Variants in ITGA1 observed in about 807,000 individuals in gnomAD.
ITGA1 encodes integrin alpha-1.
Under a neutral mutation model 145.9 loss-of-function variants are expected in ITGA1, and 85 were observed. That is an observed-to-expected ratio of 0.58 (90% CI 0.49 to 0.70). The LOEUF (loss-of-function observed/expected upper bound fraction) is 0.70. ITGA1 is among the 30% of genes least tolerant of loss of function. The probability of loss-of-function intolerance (pLI) is 0.00; values close to 1 mark genes in which losing one functional copy is unlikely to be tolerated. For missense variants in ITGA1, 1,351 were observed against 1,418.7 expected (o/e 0.95, Z 0.77); for synonymous variants, 520 against 495.3 (o/e 1.05, Z -0.66).
At chr5:52,914,698 T>C (rs1750616462) in intron 14 of ITGA1, among the ~76,000 whole-genome samples, 1 of 152,158 alleles carries the variant, frequency 6.6e-6, no homozygotes. Context: ...TTATTTTATG[T>C]TATTTATGTG....
chr5:52,813,423 C>G (rs1191097836), intron 1 of ITGA1, among the ~76,000 whole-genome samples: 6 of 152,154 alleles, frequency 3.9e-5, no homozygotes, highest in South Asian at 2.1e-4. Flanking sequence ...CTACAATTAT[C>G]TTACTATTTC....
intron 9 of ITGA1, 94 bp downstream of exon 9, chr5:52,893,934 C>A: frequency 1.0e-5 from 7 of 681,218 alleles, no homozygotes; most frequent in Non-Finnish European, 1.6e-5. Flanking sequence ...ATCAGTAATA[C>A]TTTTTTTTTT....
chr5:52,816,381 C>T (rs1748775774), intron 1 of ITGA1, among the ~76,000 whole-genome samples: 1 of 152,052 alleles, frequency 6.6e-6, no homozygotes, highest in Non-Finnish European at 1.5e-5. Flanking sequence ...CAATGTTAGC[C>T]ACTCACAGTC....
At chr5:52,911,579 T>G (rs193153956) in intron 14 of ITGA1, among the ~76,000 whole-genome samples, 2 of 66,588 alleles carry the variant, frequency 3.0e-5, no homozygotes, top group South Asian at 3.7e-4. Context: ...ATATACTATA[T>G]ATATAGTGTA....
chr5:52,904,207 A>C (rs893459758), intron 11 of ITGA1: 1 of 152,270 alleles, frequency 6.6e-6, no homozygotes, highest in African/African-American at 2.4e-5. Flanking sequence ...AAATGTAAAA[A>C]GCAGTGCTGA....
intron 1 of ITGA1, among the ~76,000 whole-genome samples, chr5:52,831,403 G>A (rs1054534877): frequency 2.0e-5 from 3 of 151,928 alleles, no homozygotes; most frequent in African/African-American, 7.3e-5. Context: ...CAAAGTGCTG[G>A]GATTACAGGA....
At chr5:52,856,968 T>C (rs1422310849) in intron 2 of ITGA1, among the ~76,000 whole-genome samples, 5 of 152,178 alleles carry the variant, frequency 3.3e-5, no homozygotes, top group Non-Finnish European at 1.5e-5. Flanking sequence ...CTGTTCCACG[T>C]GGCCTCTTAT....
chr5:52,801,169 T>C, intron 1 of ITGA1: 3 of 1,505,374 alleles, frequency 2.0e-6, no homozygotes, highest in Non-Finnish European at 2.7e-6. Context: ...GAGGGATTGG[T>C]ATAAACTACT....
intron 1 of ITGA1, among the ~76,000 whole-genome samples, chr5:52,847,051 G>C (rs1580059588): frequency 6.6e-6 from 1 of 152,126 alleles, no homozygotes; most frequent in South Asian, 2.1e-4. Context: ...GTAAGTAAGA[G>C]AGTCATTGTT....
intron 1 of ITGA1, among the ~76,000 whole-genome samples, chr5:52,816,794 T>C (rs1399012285): frequency 6.6e-6 from 1 of 152,218 alleles, no homozygotes; most frequent in Non-Finnish European, 1.5e-5. Context: ...CCGCTATTTC[T>C]GGAGAGTAGT....
intron 1 of ITGA1, among the ~76,000 whole-genome samples, chr5:52,847,130 C>T (rs963120411): frequency 3.9e-5 from 6 of 151,942 alleles, no homozygotes; most frequent in Non-Finnish European, 8.8e-5. Context: ...ATAATTATCT[C>T]CATGAGAGGT....
chr5:52,925,866 A>G (rs1750797857), intron 19 of ITGA1, among the ~76,000 whole-genome samples: 2 of 152,198 alleles, frequency 1.3e-5, no homozygotes, highest in African/African-American at 2.4e-5. Flanking sequence ...CTGCAGGAAA[A>G]TCAAGATACC....
intron 1 of ITGA1, among the ~76,000 whole-genome samples, chr5:52,795,468 A>C (rs1307775718): frequency 6.6e-6 from 1 of 151,980 alleles, no homozygotes; most frequent in Non-Finnish European, 1.5e-5. Context: ...TCAGGAGCCC[A>C]TAATTCCATT....
At chr5:52,861,360 T>G in intron 2 of ITGA1, 87 bp from the exon 3 acceptor site, 1 of 770,776 alleles carries the variant, frequency 1.3e-6, no homozygotes, top group Non-Finnish European at 2.2e-6. Flanking sequence ...AGTGTTATTG[T>G]CAATTATCTT....
At chr5:52,916,710 C>T (rs1750653334) in intron 15 of ITGA1, among the ~76,000 whole-genome samples, 1 of 152,070 alleles carries the variant, frequency 6.6e-6, no homozygotes, top group Non-Finnish European at 1.5e-5. Context: ...GGAGGACTCA[C>T]CAGAAGCCAA....
At chr5:52,835,328 T>C (rs899216966) in intron 1 of ITGA1, among the ~76,000 whole-genome samples, 51 of 152,230 alleles carry the variant, frequency 3.4e-4, no homozygotes, top group African/African-American at 1.2e-3. Context: ...TTACCTTTAA[T>C]ATAAAGCGAT....
Position 52,952,484 on chromosome 5 carries a change from TCAA to T in ITGA1, c.*34_*36del. On this transcript the variant is annotated 3_prime_UTR_variant, in exon 29 of 29. Coordinates refer to ENST00000282588, the MANE Select transcript of ITGA1 (RefSeq NM_181501.2). ...TATGAAAGAAAATAATAACAATTATTCAATAATCTATCCTCAGGTTTGCCTCAA... is the reference window on the plus strand; with the variant it reads ...TATGAAAGAAAATAATAACAATTATTTAATCTATCCTCAGGTTTGCCTCAA... 1.9e-6 allele frequency: 2 copies of T among 1,026,624 alleles called. No individual in the cohort carries two copies. The highest frequency in any genetic ancestry group is 2.9e-6 in the Non-Finnish European group (2 of 697,962). The allele number at this position is 1,026,624 out of a possible 1,614,324, so 63.6% of individuals were successfully genotyped here. A position where few individuals can be genotyped will look rare whatever the true frequency, so the allele number is the denominator to read the frequency against.
chr5:52,833,356 C>A lies in ITGA1; in HGVS notation c.62-16009C>A, dbSNP rs1749107356. Among the ~76,000 whole-genome samples the A allele has an allele frequency of 2.0e-5, 3 of 152,256 alleles. No homozygotes were observed. The South Asian group carries it at 6.2e-4, about 32-fold the overall frequency. On this transcript the variant is annotated intron_variant, in intron 1 of 28. Transcript: ENST00000282588. ...ATAAAGAGTACAACCAAGCCTAATG[C>A]AACTTAATTGTTCACACAGTTATGT... is the stretch of plus-strand genomic sequence containing the variant.
In ITGA1 at chr5:52,848,649, A is replaced by G. The variant is rs146757051; in HGVS notation, c.62-716A>G. Among the ~76,000 whole-genome samples, 162 of 152,184 alleles carry G rather than the reference A, an allele frequency of 1.1e-3. 1 individual carries two copies. The highest frequency in any genetic ancestry group is 3.4e-3 in the African/African-American group (143 of 41,520). ...ATGTGCAAGTTTGTTACATATGTATACATGTGCCATGTTGGTGTGCGGCAC... is the reference window on the plus strand; with the variant it reads ...ATGTGCAAGTTTGTTACATATGTATGCATGTGCCATGTTGGTGTGCGGCAC... On this transcript the variant is annotated intron_variant, in intron 1 of 28. Coordinates refer to ENST00000282588, the MANE Select transcript of ITGA1 (RefSeq NM_181501.2).
Sources: gnomAD v4.1 joint callset for allele counts (sites outside exome capture counted in the v4.1 genomes callset) on GRCh38, gnomAD v4.1.1 for gene constraint, MANE v1.5 for transcripts, NCBI Gene and HGNC (gene_info 2026-07-23, HGNC 2026-07-21) for gene names.